TBC1D30: variants seen among roughly 807,000 people sequenced by gnomAD.
The protein encoded by TBC1D30 is TBC1 domain family member 30.
Under a neutral mutation model 63.2 loss-of-function variants are expected in TBC1D30, and 31 were observed. The observed-to-expected ratio is 0.49, with a 90% CI of 0.37 to 0.66. TBC1D30 has a LOEUF of 0.66. Among genes scored for constraint, TBC1D30 ranks in the 30% least tolerant of loss-of-function variants. The pLI is 0.00. For synonymous variants in TBC1D30, 307 were observed against 361.5 expected (o/e 0.85, Z 1.71); for missense variants, 810 against 953.6 (o/e 0.85, Z 1.98).
intron 8 of TBC1D30, among the ~76,000 whole-genome samples, chr12:64,861,559 A>G (rs998073557): frequency 1.3e-5 from 2 of 152,160 alleles, no homozygotes; most frequent in African/African-American, 2.4e-5. Context: ...TGAAAATCAT[A>G]TGCTGGGGTT....
chr12:64,762,945 A>G (rs1565632175), intron 1 of TBC1D30, among the ~76,000 whole-genome samples: 1 of 152,292 alleles, frequency 6.6e-6, no homozygotes, highest in East Asian at 1.9e-4. Context: ...TCCTCTTAAC[A>G]TAGGCATTTC....
At chr12:64,781,153 C>T (rs772682393) in exon 1 of TBC1D30, 26 of 1,019,844 alleles carry the variant, frequency 2.5e-5, no homozygotes, top group Non-Finnish European at 2.9e-5. Context: ...GCGACAGCCT[C>T]GACAGCTCCA....
At chr12:64,784,935 G>T (rs1871477731) in intron 1 of TBC1D30, among the ~76,000 whole-genome samples, 2 of 151,794 alleles carry the variant, frequency 1.3e-5, no homozygotes, top group African/African-American at 4.8e-5. Flanking sequence ...TAATTTATCT[G>T]TGTAAAGGAA....
intron 2 of TBC1D30, among the ~76,000 whole-genome samples, chr12:64,799,796 G>T (rs934729016): frequency 6.6e-5 from 10 of 152,196 alleles, no homozygotes; most frequent in African/African-American, 2.4e-4. Flanking sequence ...AGGGAACATG[G>T]GGAAGTGCGA....
intron 2 of TBC1D30, among the ~76,000 whole-genome samples, chr12:64,819,408 T>C (rs868015711): frequency 8.2e-5 from 3 of 36,596 alleles, no homozygotes; most frequent in Non-Finnish European, 1.5e-4. Context: ...AGGAACTACT[T>C]TTTTTTTTTT....
chr12:64,824,065 A>G (rs1248517936), upstream of TBC1D30, among the ~76,000 whole-genome samples: 1 of 120,494 alleles, frequency 8.3e-6, no homozygotes, highest in Admixed American at 8.9e-5. Flanking sequence ...TTGCCGTTTG[A>G]GAATGACTTT....
chr12:64,787,388 T>C (rs1290496521), intron 2 of TBC1D30: 1 of 985,004 alleles, frequency 1.0e-6, no homozygotes, highest in Non-Finnish European at 1.2e-6. Flanking sequence ...TCAGGTATGG[T>C]AAATATAGGT....
intron 8 of TBC1D30, among the ~76,000 whole-genome samples, chr12:64,861,214 T>C (rs1047685665): frequency 1.3e-5 from 2 of 152,212 alleles, no homozygotes; most frequent in African/African-American, 4.8e-5. Context: ...TCATATTTCT[T>C]GTAAAGCATA....
At chr12:64,766,951 G>A (rs1185598503) in intron 1 of TBC1D30, among the ~76,000 whole-genome samples, 1 of 152,042 alleles carries the variant, frequency 6.6e-6, no homozygotes, top group Admixed American at 6.6e-5. Flanking sequence ...ATAATCAGTG[G>A]ATTAAAACAG....
At chr12:64,808,715 G>T (rs919336706) in intron 2 of TBC1D30, among the ~76,000 whole-genome samples, 1 of 152,040 alleles carries the variant, frequency 6.6e-6, no homozygotes, top group African/African-American at 2.4e-5. Context: ...GAAACTCTGT[G>T]CCTATTAAAC....
intron 8 of TBC1D30, among the ~76,000 whole-genome samples, chr12:64,861,109 T>C (rs1200570526): frequency 6.6e-6 from 1 of 152,220 alleles, no homozygotes; most frequent in African/African-American, 2.4e-5. Flanking sequence ...AGGCTGTGGA[T>C]TGATTGATGG....
At position 64,878,924 on chromosome 12, in the gene TBC1D30, A is replaced by G. The variant is rs1285064810; in HGVS notation, c.*3136A>G. ...CTACTATTTATTTTTGTCTTAATAA[A>G]ATGAACAATAAATATAGTTTAGCTG... On this transcript the variant is annotated 3_prime_UTR_variant, in exon 12 of 12. Coordinates refer to ENST00000539867, the MANE Select transcript of TBC1D30 (RefSeq NM_015279.2). 1 of 167,434 alleles carries G rather than the reference A, an allele frequency of 6.0e-6. No homozygotes were observed. Among genetic ancestry groups the G allele is most frequent in the African/African-American group, 2.4e-5 (1 of 42,018 alleles). The allele number at this position is 167,434 out of a possible 1,614,324, so 10.4% of individuals were successfully genotyped here.
chr12:64,835,113 C>T (rs1004118577), intron 5 of TBC1D30, among the ~76,000 whole-genome samples: 2 of 152,154 alleles, frequency 1.3e-5, no homozygotes, highest in African/African-American at 4.8e-5. Context: ...CTCCCAGAAC[C>T]TCCTCTTCCC....
intron 2 of TBC1D30, among the ~76,000 whole-genome samples, chr12:64,791,223 G>A (rs1362650173): frequency 6.6e-6 from 1 of 152,160 alleles, no homozygotes; most frequent in Non-Finnish European, 1.5e-5. Context: ...TGGCAAATAT[G>A]TAGAGACAAA....
chr12:64,840,201 A>G (rs1484688623), intron 7 of TBC1D30, among the ~76,000 whole-genome samples: 3 of 152,094 alleles, frequency 2.0e-5, no homozygotes, highest in Admixed American at 6.5e-5. Flanking sequence ...TTACCCCCCA[A>G]TAGCTACCTC....
At position 64,878,466 on chromosome 12, in the gene TBC1D30, C is replaced by T. The variant is rs1879240980; in HGVS notation, c.*2678C>T. 4.4e-6 allele frequency: 2 copies of T among 456,732 alleles called. No homozygotes were observed. Among genetic ancestry groups the T allele is most frequent in the Non-Finnish European group, 8.8e-6 (2 of 226,958 alleles). The allele number at this position is 456,732 out of a possible 1,614,324, so 28.3% of individuals were successfully genotyped here. On this transcript the variant is annotated 3_prime_UTR_variant, in exon 12 of 12. Transcript: ENST00000539867. ...GAATCAACTCATTCTGATGCCTCTG[C>T]ACCTCAGTTCCTCTTACAAAAGCCT...
At chr12:64,802,063 A>G (rs1872606950) in intron 2 of TBC1D30, among the ~76,000 whole-genome samples, 1 of 152,202 alleles carries the variant, frequency 6.6e-6, no homozygotes, top group South Asian at 2.1e-4. Flanking sequence ...TGGACTCTGT[A>G]TAGAAATATA....
chr12:64,780,457 C>T (rs1359413367), upstream of TBC1D30, among the ~76,000 whole-genome samples: 2 of 152,212 alleles, frequency 1.3e-5, no homozygotes, highest in East Asian at 1.9e-4. Flanking sequence ...GTGGCGGCGG[C>T]CTCAGCGCCC....
rs770118592 is a variant in TBC1D30 at position 64,875,531 on chromosome 12, C to T, written c.2029C>T (p.Pro677Ser). Reference protein sequence around the residue: ...AAETELRVHPPCQRHCPEPPS... With the variant: ...AAETELRVHPSCQRHCPEPPS... Reference sequence around the variant, plus strand: ...TGAAACTGAGCTCAGGGTGCACCCACCCTGCCAGCGGCACTGCCCAGAGCC... The same window carrying T: ...TGAAACTGAGCTCAGGGTGCACCCATCCTGCCAGCGGCACTGCCCAGAGCC... The change falls in exon 12 of 12, where the codon CCC (proline) becomes TCC (serine). Residue 677 changes from proline to serine, a missense_variant. Coordinates refer to ENST00000539867, the MANE Select transcript of TBC1D30 (RefSeq NM_015279.2). The T allele has an allele frequency of 6.5e-6, 10 of 1,536,144 alleles. No individual in the cohort carries two copies. The highest frequency in any genetic ancestry group is 1.7e-4 in the Middle Eastern group (1 of 5,990).
Sources: allele counts gnomAD v4.1 joint callset (sites outside exome capture counted in the v4.1 genomes callset), GRCh38; gene constraint gnomAD v4.1.1; transcripts MANE v1.5; gene names NCBI Gene and HGNC (gene_info 2026-07-23, HGNC 2026-07-21).